KCNB2: variants seen among roughly 807,000 people sequenced by gnomAD.
KCNB2 encodes the protein potassium voltage-gated channel subfamily B member 2.
Under a neutral mutation model 61.5 loss-of-function variants are expected in KCNB2, and 15 were observed. The observed-to-expected ratio is 0.24, with a 90% CI of 0.16 to 0.38. The LOEUF is 0.38. Among genes scored for constraint, KCNB2 ranks in the 10% least tolerant of loss-of-function variants. KCNB2 has a pLI of 1.00. For synonymous variants in KCNB2, 457 were observed against 446.0 expected (o/e 1.02, Z -0.31); for missense variants, 828 against 1,125.2 (o/e 0.74, Z 3.78).
intron 2 of KCNB2, among the ~76,000 whole-genome samples, chr8:72,677,150 C>T (rs1223749650): frequency 6.6e-6 from 1 of 152,122 alleles, no homozygotes; most frequent in African/African-American, 2.4e-5. Context: ...GTCATGCTGC[C>T]ACAAGCCAGG....
intron 2 of KCNB2, among the ~76,000 whole-genome samples, chr8:72,649,043 G>A (rs1477507421): frequency 6.6e-6 from 1 of 151,914 alleles, no homozygotes; most frequent in Non-Finnish European, 1.5e-5. Context: ...CATGCCTTCT[G>A]TGTTTTTCTA....
chr8:72,811,529 T>C (rs541740806), intron 2 of KCNB2, among the ~76,000 whole-genome samples: 2 of 152,374 alleles, frequency 1.3e-5, no homozygotes, highest in South Asian at 4.1e-4. Flanking sequence ...TCTTCTAACA[T>C]GTATTTATGT....
At chr8:72,763,934 G>A (rs947143706) in intron 2 of KCNB2, among the ~76,000 whole-genome samples, 6 of 152,152 alleles carry the variant, frequency 3.9e-5, no homozygotes, top group African/African-American at 1.4e-4. Context: ...AGCAGCATCC[G>A]AGGCAGAGCA....
chr8:72,791,881 A>G (rs1808948215), intron 2 of KCNB2, among the ~76,000 whole-genome samples: 1 of 152,232 alleles, frequency 6.6e-6, no homozygotes, highest in African/African-American at 2.4e-5. Context: ...GCTTGAAGTA[A>G]GATTTGTCCA....
intron 1 of KCNB2, among the ~76,000 whole-genome samples, chr8:72,567,022 C>G (rs1806635291): frequency 6.6e-6 from 1 of 151,966 alleles, no homozygotes. Context: ...TGTGGTTTAT[C>G]TAGAAGGAGT....
chr8:72,686,657 C>A (rs1044804679), intron 2 of KCNB2, among the ~76,000 whole-genome samples: 1 of 152,134 alleles, frequency 6.6e-6, no homozygotes, highest in African/African-American at 2.4e-5. Context: ...AATTCATCAT[C>A]GAGTGTTCGG....
At chr8:72,905,820 A>G (rs1246735357) in intron 2 of KCNB2, among the ~76,000 whole-genome samples, 1 of 152,020 alleles carries the variant, frequency 6.6e-6, no homozygotes. Flanking sequence ...TCCATCCAGA[A>G]CTCATGCAGT....
chr8:72,609,990 T>C (rs988322986), intron 2 of KCNB2, among the ~76,000 whole-genome samples: 2 of 152,170 alleles, frequency 1.3e-5, no homozygotes, highest in Non-Finnish European at 2.9e-5. Context: ...TCTTCTTATG[T>C]AAAAGATCCT....
intron 2 of KCNB2, among the ~76,000 whole-genome samples, chr8:72,668,261 G>A (rs750008205): frequency 7.2e-5 from 11 of 152,164 alleles, no homozygotes; most frequent in Non-Finnish European, 1.6e-4. Flanking sequence ...CAGCCACACA[G>A]GCATGAAGCA....
intron 2 of KCNB2, among the ~76,000 whole-genome samples, chr8:72,833,404 G>A (rs1409297758): frequency 6.6e-6 from 1 of 152,074 alleles, no homozygotes; most frequent in African/African-American, 2.4e-5. Flanking sequence ...TGTCAACAAG[G>A]AACAGATAAA....
chr8:72,625,959 A>T (rs1444684681), intron 2 of KCNB2, among the ~76,000 whole-genome samples: 1 of 152,192 alleles, frequency 6.6e-6, no homozygotes, highest in Non-Finnish European at 1.5e-5. Flanking sequence ...ACAAAAAAAG[A>T]TACTGAAAAG....
intron 2 of KCNB2, among the ~76,000 whole-genome samples, chr8:72,714,296 G>A (rs2128992113): frequency 1.3e-5 from 2 of 152,154 alleles, no homozygotes; most frequent in South Asian, 4.2e-4. Context: ...TTCAAATTCA[G>A]GAAATACAGA....
intron 2 of KCNB2, among the ~76,000 whole-genome samples, chr8:72,801,842 A>C (rs558863267): frequency 4.6e-5 from 7 of 151,744 alleles, no homozygotes; most frequent in East Asian, 2.1e-4. Flanking sequence ...GAAAAAAAAA[A>C]CAAAAAACAA....
chr8:72,697,096 T>C (rs1033384689), intron 2 of KCNB2, among the ~76,000 whole-genome samples: 2 of 152,164 alleles, frequency 1.3e-5, no homozygotes, highest in Admixed American at 1.3e-4. Flanking sequence ...TTTGCCATTA[T>C]TGGGGGTGTT....
chr8:72,690,934 G>T lies in KCNB2; in HGVS notation c.579+122621G>T, dbSNP rs117198945. Among the ~76,000 whole-genome samples the T allele has an allele frequency of 4.7e-3, 716 of 152,256 alleles. 9 individuals are homozygous for T. The highest frequency in any genetic ancestry group is 2.9e-3 in the Non-Finnish European group (194 of 68,030). ...TTCCTGAAAGTAATGACAACTGAAT[G>T]TGTAGAAGTCCTGAGGGTATGCAGA... On this transcript the variant is annotated intron_variant, in intron 2 of 2. Coordinates refer to ENST00000523207, the MANE Select transcript of KCNB2 (RefSeq NM_004770.3).
rs545909133 is a variant in KCNB2, at chr8:72,713,169, A to G, written c.579+144856A>G. ...GGTAAACAAAGTGGCCAGGAAGCTC[A>G]AACTGGGTGGGGCCCACCAAAGATC... On this transcript the variant is annotated intron_variant, in intron 2 of 2. Coordinates refer to ENST00000523207, the MANE Select transcript of KCNB2 (RefSeq NM_004770.3). Among the ~76,000 whole-genome samples, 28 of 152,342 alleles carry G rather than the reference A, an allele frequency of 1.8e-4. 1 individual carries two copies. Among genetic ancestry groups the G allele is most frequent in the South Asian group, 4.1e-4 (2 of 4,826 alleles).
At chr8:72,698,461 C>T (rs1235356792) in intron 2 of KCNB2, among the ~76,000 whole-genome samples, 2 of 152,148 alleles carry the variant, frequency 1.3e-5, no homozygotes, top group Non-Finnish European at 2.9e-5. Context: ...AGATTCAACA[C>T]TATTCCTATC....
chr8:72,592,849 C>A (rs1320886967), intron 2 of KCNB2, among the ~76,000 whole-genome samples: 1 of 151,992 alleles, frequency 6.6e-6, no homozygotes, highest in African/African-American at 2.4e-5. Context: ...CATAACCTAA[C>A]CTAATGTAAC....
At chr8:72,763,219 C>T (rs1272130504) in intron 2 of KCNB2, among the ~76,000 whole-genome samples, 5 of 152,032 alleles carry the variant, frequency 3.3e-5, no homozygotes, top group African/African-American at 1.2e-4. Context: ...GACTCTGGAG[C>T]AGTGCACATA....
Sources: allele counts gnomAD v4.1 joint callset (sites outside exome capture counted in the v4.1 genomes callset), GRCh38; gene constraint gnomAD v4.1.1; transcripts MANE v1.5; gene names NCBI Gene and HGNC (gene_info 2026-07-23, HGNC 2026-07-21).